ATP8A2: variants seen among roughly 807,000 people sequenced by gnomAD.
ATP8A2 encodes the protein ATPase phospholipid transporting 8A2.
ATP8A2 carries 100 observed loss-of-function variants against 165.6 expected under a neutral mutation model. The ratio of observed to expected loss-of-function variants is 0.60; its 90% confidence interval spans 0.51 to 0.71. The LOEUF (loss-of-function observed/expected upper bound fraction) is 0.71. ATP8A2 is among the 30% of genes least tolerant of loss of function. The probability of loss-of-function intolerance (pLI) is 0.00; values close to 1 mark genes in which losing one functional copy is unlikely to be tolerated. For missense variants in ATP8A2, 1,227 were observed against 1,479.5 expected, an observed-to-expected ratio of 0.83 and a Z score of 2.80; for synonymous variants, 543 against 548.8, an observed-to-expected ratio of 0.99 and a Z score of 0.15.
intron 11 of ATP8A2, among the ~76,000 whole-genome samples, chr13:25,551,752 G>A (rs1024389010): frequency 6.6e-6 from 1 of 152,048 alleles, no homozygotes; most frequent in Admixed American, 6.5e-5. Context: ...CTTAGTGGTT[G>A]CCCTAGGAAT....
At chr13:26,015,053 A>G (rs1956937912) in intron 36 of ATP8A2, among the ~76,000 whole-genome samples, 1 of 152,222 alleles carries the variant, frequency 6.6e-6, no homozygotes. Context: ...TCAAAGACCG[A>G]ATGAGAATTT....
intron 24 of ATP8A2, among the ~76,000 whole-genome samples, chr13:25,698,354 G>A (rs2042879387): frequency 6.6e-6 from 1 of 151,938 alleles, no homozygotes; most frequent in Non-Finnish European, 1.5e-5. Context: ...CAGAGTAGCT[G>A]CGACTACAGA....
At chr13:25,418,861 C>G (rs7330245) in intron 1 of ATP8A2, among the ~76,000 whole-genome samples, 34,015 of 152,100 alleles carry the variant, frequency 0.22, 4,223 homozygotes, top group East Asian at 0.45. Context: ...GTTTAACAGT[C>G]AGTTTGTAAG....
intron 1 of ATP8A2, among the ~76,000 whole-genome samples, chr13:25,468,388 C>A (rs1015977036): frequency 1.3e-5 from 2 of 152,152 alleles, no homozygotes; most frequent in Non-Finnish European, 2.9e-5. Context: ...ATGGTGGGAG[C>A]GAGCTCTTCA....
At chr13:25,978,219 G>A (rs1473660820) in intron 35 of ATP8A2, among the ~76,000 whole-genome samples, 1 of 152,200 alleles carries the variant, frequency 6.6e-6, no homozygotes, top group African/African-American at 2.4e-5. Context: ...AATTGCCATT[G>A]TATAGGTCAC....
At chr13:25,576,835 C>T (rs888930518) in intron 19 of ATP8A2, among the ~76,000 whole-genome samples, 3 of 152,080 alleles carry the variant, frequency 2.0e-5, no homozygotes, top group South Asian at 2.1e-4. Context: ...CTGCAAATAG[C>T]GGTCCTAGTC....
intron 33 of ATP8A2, among the ~76,000 whole-genome samples, chr13:25,890,631 A>T (rs1455633829): frequency 6.6e-6 from 1 of 152,214 alleles, no homozygotes; most frequent in Non-Finnish European, 1.5e-5. Context: ...TTACACAATA[A>T]TTGTTTTCTT....
At chr13:25,489,024 A>T (rs1043354393) in intron 2 of ATP8A2, among the ~76,000 whole-genome samples, 7 of 151,110 alleles carry the variant, frequency 4.6e-5, no homozygotes, top group Non-Finnish European at 8.8e-5. Flanking sequence ...TTTAAACCAG[A>T]TCTGCTTTTT....
chr13:25,752,963 G>A (rs2044184175), intron 25 of ATP8A2, among the ~76,000 whole-genome samples: 1 of 152,144 alleles, frequency 6.6e-6, no homozygotes, highest in Non-Finnish European at 1.5e-5. Context: ...TTTTACTGGG[G>A]TGATTTATAA....
intron 36 of ATP8A2, among the ~76,000 whole-genome samples, chr13:26,014,860 T>C (rs1956931699): frequency 6.6e-6 from 1 of 152,156 alleles, no homozygotes; most frequent in Admixed American, 6.5e-5. Flanking sequence ...ATGATATACA[T>C]CTTACACAGT....
chr13:25,503,093 T>C (rs7324979), intron 2 of ATP8A2, among the ~76,000 whole-genome samples: 101,170 of 151,820 alleles, frequency 0.67, 34,870 homozygotes, highest in African/African-American at 0.75. Context: ...GCTGCCTGGG[T>C]GGAAACGCCT....
intron 27 of ATP8A2, among the ~76,000 whole-genome samples, chr13:25,801,263 A>C: frequency 6.6e-6 from 1 of 152,020 alleles, no homozygotes; most frequent in South Asian, 2.1e-4. Flanking sequence ...TCTCTCTCTA[A>C]GGCTTTCAAC....
intron 33 of ATP8A2, among the ~76,000 whole-genome samples, chr13:25,871,610 A>ATTTT (rs1271366680): frequency 6.6e-6 from 1 of 152,212 alleles, no homozygotes; most frequent in African/African-American, 2.4e-5. Context: ...ATGATGCAAA[A>ATTTT]GCTATTGTGG....
chr13:25,654,416 A>G (rs2041882014), intron 24 of ATP8A2, among the ~76,000 whole-genome samples: 1 of 152,100 alleles, frequency 6.6e-6, no homozygotes, highest in African/African-American at 2.4e-5. Flanking sequence ...TGTTGCCCAG[A>G]TAGTTTTAAA....
chr13:25,438,538 G>A (rs183287930), intron 1 of ATP8A2, among the ~76,000 whole-genome samples: 25 of 152,216 alleles, frequency 1.6e-4, no homozygotes, highest in Non-Finnish European at 3.5e-4. Context: ...CTACTCTGGA[G>A]GCTGAGGTGG....
chr13:25,806,319 T>G (rs546894482), intron 27 of ATP8A2, among the ~76,000 whole-genome samples: 1 of 152,240 alleles, frequency 6.6e-6, no homozygotes, highest in East Asian at 1.9e-4. Flanking sequence ...AGCTTTAGCA[T>G]GATCTGTGGG....
intron 33 of ATP8A2, among the ~76,000 whole-genome samples, chr13:25,947,182 G>T (rs1472215280): frequency 6.6e-6 from 1 of 152,178 alleles, no homozygotes; most frequent in East Asian, 1.9e-4. Flanking sequence ...GGATCCAGGG[G>T]TCTTCCAGGT....
intron 1 of ATP8A2, among the ~76,000 whole-genome samples, chr13:25,409,673 A>T (rs942125759): frequency 6.6e-6 from 1 of 152,140 alleles, no homozygotes; most frequent in Non-Finnish European, 1.5e-5. Context: ...GAAACAGGAG[A>T]TGCAGGCTTG....
At chr13:25,927,112 T>G (rs1479595458) in intron 33 of ATP8A2, 2 of 456,388 alleles carry the variant, frequency 4.4e-6, no homozygotes, top group Non-Finnish European at 8.8e-6. Context: ...TTCCTGTAGC[T>G]CACATGCATG....
Sources: allele counts gnomAD v4.1 joint callset (sites outside exome capture counted in the v4.1 genomes callset), GRCh38; gene constraint gnomAD v4.1.1; transcripts MANE v1.5; gene names NCBI Gene and HGNC (gene_info 2026-07-23, HGNC 2026-07-21).